The following CRACR2A variants were observed in gnomAD, a reference collection of about 807,000 sequenced individuals.
CRACR2A encodes the protein calcium release activated channel regulator 2A, also known as EF-hand calcium-binding domain-containing protein 4B.
A neutral mutation model predicts 90.5 loss-of-function variants in CRACR2A; 79 were observed. The ratio of observed to expected loss-of-function variants is 0.87; its 90% CI spans 0.73 to 1.05. The LOEUF (loss-of-function observed/expected upper bound fraction) is 1.05. Among genes scored for constraint, CRACR2A ranks in the 50% least tolerant of loss-of-function variants. The probability of loss-of-function intolerance (pLI) is 0.00; values close to 1 mark genes in which losing one functional copy is unlikely to be tolerated. For missense variants in CRACR2A, 823 were observed against 897.2 expected (o/e 0.92, Z 1.06); for synonymous variants, 338 against 356.7 (o/e 0.95, Z 0.59).
chr12:3,737,978 T>C (rs1330863646), intron 1 of CRACR2A, among the ~76,000 whole-genome samples: 2 of 152,246 alleles, frequency 1.3e-5, no homozygotes, highest in Non-Finnish European at 2.9e-5. Flanking sequence ...TCTGGTGTCA[T>C]GTCCTGTGGG....
chr12:3,701,880 C>T (rs564782957), intron 3 of CRACR2A, among the ~76,000 whole-genome samples: 5 of 151,980 alleles, frequency 3.3e-5, no homozygotes, highest in African/African-American at 4.8e-5. Context: ...AAAAAATAGG[C>T]CAATATCCCT....
intron 6 of CRACR2A, among the ~76,000 whole-genome samples, chr12:3,674,895 T>C (rs572551318): frequency 6.6e-6 from 1 of 152,366 alleles, no homozygotes; most frequent in South Asian, 2.1e-4. Flanking sequence ...AAAATATAAG[T>C]CCTTCACCTC....
intron 4 of CRACR2A, among the ~76,000 whole-genome samples, chr12:3,688,319 T>C (rs1045098190): frequency 5.3e-5 from 8 of 152,262 alleles, no homozygotes; most frequent in African/African-American, 1.7e-4. Flanking sequence ...TTTATAGTTT[T>C]GGGCTTTACA....
At chr12:3,670,665 C>T (rs1945222910) in intron 7 of CRACR2A, among the ~76,000 whole-genome samples, 1 of 152,144 alleles carries the variant, frequency 6.6e-6, no homozygotes, top group Non-Finnish European at 1.5e-5. Context: ...TAGAAAACAT[C>T]CGATGTTGCC....
At chr12:3,726,177 AATAC>A (rs1946259925) in intron 2 of CRACR2A, 1 of 151,652 alleles carries the variant, frequency 6.6e-6, no homozygotes, top group Non-Finnish European at 1.5e-5. Flanking sequence ...AATATATATA[AATAC>A]ATACTATATG....
intron 1 of CRACR2A, among the ~76,000 whole-genome samples, chr12:3,742,863 A>G (rs1021449483): frequency 3.9e-5 from 6 of 152,150 alleles, no homozygotes; most frequent in African/African-American, 1.4e-4. Context: ...ATTCTGTCCC[A>G]TCTCCTTGGC....
intron 4 of CRACR2A, among the ~76,000 whole-genome samples, chr12:3,695,332 A>G (rs1945720660): frequency 6.6e-6 from 1 of 152,246 alleles, no homozygotes; most frequent in Non-Finnish European, 1.5e-5. Context: ...GGCCTTCCAC[A>G]TGGAGTGAGC....
At chr12:3,621,335 T>C (rs1379851490) in intron 17 of CRACR2A, among the ~76,000 whole-genome samples, 1 of 151,498 alleles carries the variant, frequency 6.6e-6, no homozygotes, top group African/African-American at 2.4e-5. Flanking sequence ...ATCTGGGTCC[T>C]ATGCACCATA....
chr12:3,733,518 T>C (rs918314207), intron 1 of CRACR2A, among the ~76,000 whole-genome samples: 3 of 152,062 alleles, frequency 2.0e-5, no homozygotes, highest in African/African-American at 7.2e-5. Flanking sequence ...CGGAGAAGTG[T>C]TTTCCTGGCT....
At chr12:3,647,510 T>C (rs35681943) in intron 11 of CRACR2A, among the ~76,000 whole-genome samples, 15,106 of 152,268 alleles carry the variant, frequency 0.099, 966 homozygotes, top group Middle Eastern at 0.19. Context: ...CTTGTCCTTA[T>C]ACGTTTTGTT....
In CRACR2A at chr12:3,719,256, G is replaced by T. The variant is rs145825435; in HGVS notation, c.-117-5939C>A. 2.4e-3 allele frequency among the ~76,000 whole-genome samples: 360 copies of T among 152,074 alleles called. 1 individual carries two copies. The highest frequency in any genetic ancestry group is 6.8e-3 in the Middle Eastern group (2 of 294). On this transcript the variant is annotated intron_variant, in intron 2 of 19. Transcript: ENST00000440314. ...AGGTGCAGAAAGAAAACCAGACTTG[G>T]GATTTTTTTTAAAAAAAGCATATTC...
chr12:3,644,471 C>T, intron 12 of CRACR2A, 124 bp downstream of exon 12: 1 of 1,020,174 alleles, frequency 9.8e-7, no homozygotes, highest in Admixed American at 2.1e-5. Flanking sequence ...CGTTTTCATG[C>T]CGTCATCCTG....
intron 5 of CRACR2A, among the ~76,000 whole-genome samples, chr12:3,679,940 C>A (rs1945414702): frequency 6.6e-6 from 1 of 152,218 alleles, no homozygotes; most frequent in South Asian, 2.1e-4. Context: ...ACAGCTCCCC[C>A]TTTTATGCTA....
chr12:3,651,270 T>C (rs899550242), intron 10 of CRACR2A, among the ~76,000 whole-genome samples: 1 of 152,254 alleles, frequency 6.6e-6, no homozygotes, highest in African/African-American at 2.4e-5. Context: ...GAAAAGTGTG[T>C]GTGTATGCAT....
intron 7 of CRACR2A, among the ~76,000 whole-genome samples, chr12:3,664,177 A>C (rs1945087160): frequency 6.6e-6 from 1 of 152,210 alleles, no homozygotes; most frequent in Admixed American, 6.5e-5. Flanking sequence ...GGTACAAACT[A>C]TTGGTTTCTA....
intron 2 of CRACR2A, chr12:3,731,842 G>T (rs1458870141): frequency 6.6e-6 from 1 of 152,352 alleles, no homozygotes; most frequent in East Asian, 1.9e-4. Context: ...GGATTGGAGT[G>T]ACGCAGCTGC....
intron 10 of CRACR2A, among the ~76,000 whole-genome samples, chr12:3,653,163 A>G (rs989974582): frequency 5.3e-5 from 8 of 152,012 alleles, no homozygotes; most frequent in Non-Finnish European, 1.0e-4. Context: ...TTGTATTTTT[A>G]GTAGAGATGG....
In CRACR2A at chr12:3,711,297, C is replaced by T. The variant is rs1001793669; in HGVS notation, c.-37+1940G>A. On this transcript the variant is annotated intron_variant, in intron 3 of 19. Coordinates refer to ENST00000440314, the MANE Select transcript of CRACR2A (RefSeq NM_001144958.2). The surrounding 1 kb of genome is among the most constrained non-coding windows in gnomAD (Gnocchi z 4.3). ...GTCTTTAAGTTCTCTGCCTTTGACT[C>T]GCAATTTCATCTTAAGTCATAGTCC... 6.6e-6 allele frequency among the ~76,000 whole-genome samples: 1 copy of T among 152,184 alleles called. No individual in the cohort carries two copies. Among genetic ancestry groups the T allele is most frequent in the Admixed American group, 6.5e-5 (1 of 15,280 alleles).
chr12:3,648,748 A>G, intron 10 of CRACR2A, 135 bp from the exon 11 acceptor site: 1 of 1,276,298 alleles, frequency 7.8e-7, no homozygotes, highest in Non-Finnish European at 1.1e-6. Flanking sequence ...CCTCCTGGAG[A>G]GCTCCTACAG....
Sources: allele counts gnomAD v4.1 joint callset (sites outside exome capture counted in the v4.1 genomes callset), GRCh38; gene constraint gnomAD v4.1.1; non-coding constraint Gnocchi (gnomAD v3.1); transcripts MANE v1.5; gene names NCBI Gene and HGNC (gene_info 2026-07-23, HGNC 2026-07-21).